STXBP3: variants seen among roughly 807,000 people sequenced by gnomAD.
The protein encoded by STXBP3 is syntaxin-binding protein 3.
STXBP3 carries 41 observed loss-of-function variants against 85.7 expected under a neutral mutation model. The ratio of observed to expected loss-of-function variants is 0.48; its 90% CI spans 0.37 to 0.62. The LOEUF (loss-of-function observed/expected upper bound fraction) is 0.62, where lower values mean the gene tolerates loss of function less well. Among genes scored for constraint, STXBP3 ranks in the 20% least tolerant of loss-of-function variants. The probability of loss-of-function intolerance (pLI) is 0.00; values close to 1 mark genes in which losing one functional copy is unlikely to be tolerated. For synonymous variants in STXBP3, 229 were observed against 231.7 expected (o/e 0.99, Z 0.10); for missense variants, 563 against 703.1 (o/e 0.80, Z 2.25).
At chr1:108,753,025 G>A in intron 2 of STXBP3, 38 bp from the exon 3 acceptor site, 1 of 1,455,398 alleles carries the variant, frequency 6.9e-7, no homozygotes, top group Non-Finnish European at 9.3e-7. Context: ...TTGGTAATAG[G>A]ATGCTTACAG....
chr1:108,751,404 C>T (rs2101101074), intron 1 of STXBP3, among the ~76,000 whole-genome samples: 1 of 152,194 alleles, frequency 6.6e-6, no homozygotes, highest in East Asian at 1.9e-4. Context: ...TTTAACATGA[C>T]TTGTTACCAA....
intron 18 of STXBP3, among the ~76,000 whole-genome samples, chr1:108,808,300 C>G (rs1311754162): frequency 6.6e-6 from 1 of 152,062 alleles, no homozygotes; most frequent in Admixed American, 6.6e-5. Flanking sequence ...TCACTTGAGG[C>G]CAGGAGTTTG....
Position 108,772,268 on chromosome 1 carries a change from CTATCTGTATCATATATAAATACATATGA to C in STXBP3, c.439-303_439-276del, listed in dbSNP as rs1557806427. 5.2e-3 allele frequency among the ~76,000 whole-genome samples: 366 copies of C among 69,868 alleles called. 16 individuals are homozygous for C. The highest frequency in any genetic ancestry group is 0.014 in the African/African-American group (249 of 17,222). The allele number at this position is 69,868 out of a possible 152,430, so 45.8% of individuals were successfully genotyped here. A position where few individuals can be genotyped will look rare whatever the true frequency, so the allele number is the denominator to read the frequency against. The stretch of plus-strand genomic sequence containing the variant: ...TATCATATATAAATACATATGATAT[CTATCTGTATCATATATAAATACATATGA>C]TATCTGTATCATATATAAATACATA... On this transcript the variant is annotated intron_variant, in intron 6 of 18. Coordinates refer to ENST00000370008, the MANE Select transcript of STXBP3 (RefSeq NM_007269.4).
At chr1:108,783,134 C>A (rs1348623490) in intron 11 of STXBP3, among the ~76,000 whole-genome samples, 2 of 152,180 alleles carry the variant, frequency 1.3e-5, no homozygotes, top group African/African-American at 2.4e-5. Flanking sequence ...AAGTGATCTG[C>A]CCACTTTGGT....
At chr1:108,758,700 A>G (rs1328556481) in intron 5 of STXBP3, 112 bp downstream of exon 5, 8 of 448,376 alleles carry the variant, frequency 1.8e-5, no homozygotes, top group Non-Finnish European at 3.2e-5. Context: ...TTTTTATAAT[A>G]TTATTTCAGT....
chr1:108,758,842 G>C (rs1342100951), intron 5 of STXBP3, among the ~76,000 whole-genome samples: 3 of 152,190 alleles, frequency 2.0e-5, no homozygotes, highest in African/African-American at 7.2e-5. Context: ...GCTTTCAAAA[G>C]ACAGTCATTT....
intron 15 of STXBP3, 78 bp downstream of exon 15, chr1:108,796,804 T>TTA: frequency 1.1e-6 from 1 of 939,814 alleles, no homozygotes; most frequent in South Asian, 2.5e-5. Context: ...TTTTTTTTTT[T>TTA]ATGTGGACAG....
intron 6 of STXBP3, chr1:108,766,966 C>T (rs113251147): frequency 1.3e-5 from 7 of 527,668 alleles, no homozygotes; most frequent in Non-Finnish European, 3.9e-6. Flanking sequence ...TTGATCCATA[C>T]TGTTGCTTTC....
intron 11 of STXBP3, among the ~76,000 whole-genome samples, chr1:108,792,880 G>A (rs933180534): frequency 1.3e-5 from 2 of 152,180 alleles, no homozygotes; most frequent in African/African-American, 2.4e-5. Context: ...TCCCAGGACT[G>A]AATGTGTAGG....
intron 1 of STXBP3, among the ~76,000 whole-genome samples, chr1:108,747,889 G>A (rs1435637492): frequency 6.6e-6 from 1 of 152,152 alleles, no homozygotes; most frequent in Non-Finnish European, 1.5e-5. Flanking sequence ...GCTGACTTAA[G>A]ATTTGAGATG....
rs1468946416 is a variant in STXBP3 at position 108,746,736 on chromosome 1, A to G, written c.-2A>G. ...TGGCTGCTGCTCCGCAGTGTCGGGA[A>G]GATGGCGCCGCCGGTGGCAGAGAGG... On this transcript the variant is annotated 5_prime_UTR_variant, in exon 1 of 19. Transcript: ENST00000370008. 3 of 1,550,054 alleles carry G rather than the reference A, an allele frequency of 1.9e-6. No individual in the cohort carries two copies. The highest frequency in any genetic ancestry group is 1.4e-5 in the African/African-American group (1 of 73,004).
intron 15 of STXBP3, among the ~76,000 whole-genome samples, chr1:108,797,694 C>T (rs1301468115): frequency 1.3e-5 from 2 of 151,750 alleles, no homozygotes; most frequent in Non-Finnish European, 2.9e-5. Flanking sequence ...AGGTGTGAGC[C>T]ACTGCATCTG....
intron 15 of STXBP3, among the ~76,000 whole-genome samples, chr1:108,797,728 T>C (rs976644940): frequency 3.4e-4 from 51 of 151,278 alleles, no homozygotes; most frequent in East Asian, 7.8e-4. Context: ...TTTTTGTGTG[T>C]ATGTGTGTGT....
At chr1:108,749,208 G>T (rs923494200) in intron 1 of STXBP3, among the ~76,000 whole-genome samples, 1 of 152,156 alleles carries the variant, frequency 6.6e-6, no homozygotes, top group Non-Finnish European at 1.5e-5. Flanking sequence ...TAATAGGTGG[G>T]CGTGGGGAAA....
Position 108,807,385 on chromosome 1 carries a change from T to A in STXBP3, c.1536-16T>A, listed in dbSNP as rs766742907. 5.6e-6 allele frequency: 9 copies of A among 1,595,256 alleles called. No homozygotes were observed. The highest frequency in any genetic ancestry group is 3.7e-5 in the Admixed American group (2 of 54,400). ...TTATAACATGTTTACTTTTTTTTTT[T>A]TAAATTACTTTTTAGTGCTCGCCAG... On this transcript the variant is annotated splice_polypyrimidine_tract_variant and intron_variant, in intron 17 of 18. Transcript: ENST00000370008.
chr1:108,761,937 C>T (rs1438124145), intron 6 of STXBP3, among the ~76,000 whole-genome samples: 1 of 152,028 alleles, frequency 6.6e-6, no homozygotes. Flanking sequence ...GGCACCACTG[C>T]ACTCCAGCCT....
intron 5 of STXBP3, among the ~76,000 whole-genome samples, chr1:108,759,410 T>C (rs967934028): frequency 3.9e-5 from 6 of 152,126 alleles, no homozygotes; most frequent in African/African-American, 1.4e-4. Flanking sequence ...CTAAAGAATA[T>C]CATGTTAAAA....
chr1:108,786,502 G>A (rs996287738), intron 11 of STXBP3, among the ~76,000 whole-genome samples: 1 of 152,134 alleles, frequency 6.6e-6, no homozygotes, highest in Non-Finnish European at 1.5e-5. Context: ...ATTTTATTTC[G>A]ATATACATAT....
chr1:108,763,265 C>T (rs1301755689), intron 6 of STXBP3, among the ~76,000 whole-genome samples: 1 of 152,078 alleles, frequency 6.6e-6, no homozygotes, highest in Non-Finnish European at 1.5e-5. Flanking sequence ...GAAAAACCTA[C>T]CAAAAACCAA....
Sources: gnomAD v4.1 joint callset for allele counts (sites outside exome capture counted in the v4.1 genomes callset) on GRCh38, gnomAD v4.1.1 for gene constraint, MANE v1.5 for transcripts, NCBI Gene and HGNC (gene_info 2026-07-23, HGNC 2026-07-21) for gene names.